TMC3: variants seen among roughly 807,000 people sequenced by gnomAD.
TMC3 encodes transmembrane channel like 3.
Under a neutral mutation model 110.6 loss-of-function variants are expected in TMC3, and 98 were observed. The observed-to-expected ratio is 0.89, with a 90% CI of 0.75 to 1.05. TMC3 has a LOEUF of 1.05. Among genes scored for constraint, TMC3 ranks in the 50% least tolerant of loss-of-function variants. The pLI, the probability that TMC3 is intolerant of heterozygous loss-of-function variation, is 0.00. For missense variants in TMC3, 1,319 were observed against 1,373.2 expected (o/e 0.96, Z 0.62); for synonymous variants, 489 against 513.1 (o/e 0.95, Z 0.63).
chr15:81,340,863 T>C (rs924387900), intron 16 of TMC3, among the ~76,000 whole-genome samples: 24 of 152,128 alleles, frequency 1.6e-4, no homozygotes, highest in African/African-American at 5.8e-4. Context: ...GATAAAGAAA[T>C]TGGGGTATAT....
Position 81,358,401 on chromosome 15 carries a change from C to A in TMC3, c.600+1G>T, listed in dbSNP as rs1204169676. The A allele has an allele frequency of 2.5e-6, 4 of 1,612,080 alleles. No homozygotes were observed. Among genetic ancestry groups the A allele is most frequent in the African/African-American group, 1.3e-5 (1 of 74,890 alleles). ...AGAGTGTGGCCAAGCATCAATCTCACCCCCAGAGACCAGACGGTGTCCAGG... is the reference window on the plus strand; with the variant it reads ...AGAGTGTGGCCAAGCATCAATCTCAACCCCAGAGACCAGACGGTGTCCAGG... On this transcript the variant is annotated splice_donor_variant, in intron 6 of 21. Coordinates refer to ENST00000359440, the MANE Select transcript of TMC3 (RefSeq NM_001080532.3). LOFTEE classifies it high-confidence loss of function.
intron 2 of TMC3, among the ~76,000 whole-genome samples, chr15:81,371,983 A>G (rs1420631189): frequency 6.6e-6 from 1 of 152,220 alleles, no homozygotes; most frequent in African/African-American, 2.4e-5. Context: ...AATATCACAT[A>G]GATAGAAATT....
At chr15:81,337,658 G>C (rs970487859) in intron 19 of TMC3, 188 bp downstream of exon 19, 1 of 634,702 alleles carries the variant, frequency 1.6e-6, no homozygotes. Context: ...CTAGCAAAGG[G>C]GAGCCATCCC....
chr15:81,362,023 C>G, intron 4 of TMC3, 197 bp downstream of exon 4: 1 of 503,064 alleles, frequency 2.0e-6, no homozygotes, highest in Non-Finnish European at 3.7e-6. Flanking sequence ...CACGTCCAGA[C>G]TGTTCCCATT....
At chr15:81,372,900 AAGTG>A (rs201048246) in intron 1 of TMC3, among the ~76,000 whole-genome samples, 163 bp from the exon 2 acceptor site, 2,858 of 80,386 alleles carry the variant, frequency 0.036, 107 homozygotes, top group African/African-American at 0.085. Flanking sequence ...TGTGTGTGTA[AAGTG>A]AGGGACCCAC....
At chr15:81,346,131 T>C (rs912671315) in intron 12 of TMC3, among the ~76,000 whole-genome samples, 2 of 152,178 alleles carry the variant, frequency 1.3e-5, no homozygotes, top group African/African-American at 4.8e-5. Context: ...GGAGTTCTCA[T>C]CCCAGCACCA....
chr15:81,364,535 G>T (rs1488204627), intron 3 of TMC3, among the ~76,000 whole-genome samples: 1 of 129,944 alleles, frequency 7.7e-6, no homozygotes, highest in Non-Finnish European at 1.6e-5. Flanking sequence ...ACTGTGGTGG[G>T]GTCGGGGGAG....
chr15:81,341,732 A>G (rs1343069905), intron 15 of TMC3: 1 of 358,994 alleles, frequency 2.8e-6, no homozygotes, highest in Admixed American at 4.2e-5. Flanking sequence ...CTATTTTAAA[A>G]TATTATATTT....
At position 81,334,955 on chromosome 15, in the gene TMC3, C is replaced by T; in HGVS notation, c.2224G>A (p.Glu742Lys). The T allele has an allele frequency of 6.2e-7, 1 of 1,613,930 alleles. No homozygotes were observed. The highest frequency in any genetic ancestry group is 1.6e-4 in the Middle Eastern group (1 of 6,062). Residue 742 changes from glutamate to lysine, a missense_variant, in exon 21 of 22, where the codon GAA becomes AAA. Glu to Lys is a moderately conservative substitution (Grantham distance 56). Coordinates refer to ENST00000359440, the MANE Select transcript of TMC3 (RefSeq NM_001080532.3). ...MVEARIQTQEESTKKLPNDSD... is the reference protein window; with the variant it reads ...MVEARIQTQEKSTKKLPNDSD... ...TCGTTTGGAAGCTTCTTGGTGCTTT[C>T]TTCCTGGGTCTGGATTCGGGCTGCA...
At chr15:81,342,823 C>T (rs932068219) in intron 15 of TMC3, 3 of 153,358 alleles carry the variant, frequency 2.0e-5, no homozygotes, top group African/African-American at 7.2e-5. Context: ...TCCTGCCTCC[C>T]CAAGGGTGGG....
At chr15:81,361,637 C>G (rs1894189763) in intron 4 of TMC3, among the ~76,000 whole-genome samples, 1 of 152,042 alleles carries the variant, frequency 6.6e-6, no homozygotes, top group South Asian at 2.1e-4. Context: ...TTGCATCAAA[C>G]TTGTAAATTA....
chr15:81,332,251 G>A lies in TMC3; in HGVS notation c.*168C>T. The A allele has an allele frequency of 1.0e-6, 1 of 983,740 alleles. No homozygotes were observed. The highest frequency in any genetic ancestry group is 1.4e-6 in the Non-Finnish European group (1 of 696,368). The allele number at this position is 983,740 out of a possible 1,614,324, so 60.9% of individuals were successfully genotyped here. On this transcript the variant is annotated 3_prime_UTR_variant, in exon 22 of 22. Transcript: ENST00000359440. ...TTTGGCTAACAGTAGCTGTAGAATA[G>A]GTATCTGTAGCCCTGTCAGCCTCAG...
At position 81,358,321 on chromosome 15, in the gene TMC3, G is replaced by A. The variant is rs777357098; in HGVS notation, c.601-30C>T. 1.9e-6 allele frequency: 3 copies of A among 1,597,792 alleles called. No homozygotes were observed. In the African/African-American group the frequency reaches 4.0e-5, roughly 21 times the overall value. On this transcript the variant is annotated intron_variant, in intron 6 of 21. Transcript: ENST00000359440. ...AAAGAAAACACTCAGTGTCATTTCT[G>A]CTTCCCGTTCCCAGGTCTCAGAACT...
chr15:81,333,552 C>T (rs983438879), intron 21 of TMC3, among the ~76,000 whole-genome samples: 14 of 152,206 alleles, frequency 9.2e-5, no homozygotes, highest in African/African-American at 2.9e-4. Context: ...CTCTTTGTGT[C>T]AAGAGGCACA....
chr15:81,362,123 G>C (rs1376619029), intron 4 of TMC3, 97 bp downstream of exon 4: 22 of 1,119,010 alleles, frequency 2.0e-5, no homozygotes, highest in Non-Finnish European at 2.8e-5. Context: ...GCCCTCAGCT[G>C]CACAGCATAA....
At chr15:81,338,885 C>T in intron 17 of TMC3, 105 bp from the exon 18 acceptor site, 1 of 1,229,388 alleles carries the variant, frequency 8.1e-7, no homozygotes, top group South Asian at 1.4e-5. Flanking sequence ...TCATAACATT[C>T]CTCAAATGAT....
intron 12 of TMC3, among the ~76,000 whole-genome samples, chr15:81,345,883 G>GAA (rs577070071): frequency 7.2e-6 from 1 of 139,396 alleles, no homozygotes; most frequent in African/African-American, 2.6e-5. Flanking sequence ...TCTCAAAAAA[G>GAA]AAAAAAAAAA....
chr15:81,344,906 T>C lies in TMC3; in HGVS notation c.1378A>G (p.Met460Val), dbSNP rs1419526408. The change falls in exon 13 of 22, where the codon ATG becomes GTG. Residue 460 changes from methionine to valine, a missense_variant. Coordinates refer to ENST00000359440, the MANE Select transcript of TMC3 (RefSeq NM_001080532.3). Reference protein sequence around the residue: ...EEKWSTSRPGMGLRRNNTWAL... With the variant: ...EEKWSTSRPGVGLRRNNTWAL... Reference sequence around the variant, plus strand: ...CATGTGTTGTTTCTCCTGAGCCCCATTCCAGGCCGAGATGTGGACCATTTC... The same window carrying C: ...CATGTGTTGTTTCTCCTGAGCCCCACTCCAGGCCGAGATGTGGACCATTTC... 1.2e-6 allele frequency: 2 copies of C among 1,613,970 alleles called. No individual in the cohort carries two copies. Among genetic ancestry groups the C allele is most frequent in the Non-Finnish European group, 1.7e-6 (2 of 1,179,878 alleles).
intron 18 of TMC3, among the ~76,000 whole-genome samples, 189 bp downstream of exon 18, chr15:81,338,466 G>C (rs1378805885): frequency 6.6e-6 from 1 of 152,200 alleles, no homozygotes; most frequent in African/African-American, 2.4e-5. Flanking sequence ...CCCAGTGGCT[G>C]TGTCTCCATG....
Sources: allele counts gnomAD v4.1 joint callset (sites outside exome capture counted in the v4.1 genomes callset), GRCh38; gene constraint gnomAD v4.1.1; transcripts MANE v1.5; gene names NCBI Gene and HGNC (gene_info 2026-07-23, HGNC 2026-07-21).